Variants in SEC61A2 observed in about 807,000 individuals in gnomAD.
The protein encoded by SEC61A2 is protein transport protein Sec61 subunit alpha isoform 2.
Under a neutral mutation model 59.9 loss-of-function variants are expected in SEC61A2, and 28 were observed. The ratio of observed to expected loss-of-function variants is 0.47; its 90% CI spans 0.35 to 0.64. The LOEUF (loss-of-function observed/expected upper bound fraction) is 0.64, where lower values mean the gene tolerates loss of function less well. Ranked by LOEUF, SEC61A2 falls within the 30% of genes least tolerant of loss-of-function variation. SEC61A2 has a pLI of 0.01. For synonymous variants in SEC61A2, 202 were observed against 214.4 expected (o/e 0.94, Z 0.50); for missense variants, 340 against 585.9 (o/e 0.58, Z 4.33).
At chr10:12,163,438 T>G (rs1032836335) in intron 11 of SEC61A2, among the ~76,000 whole-genome samples, 1 of 151,068 alleles carries the variant, frequency 6.6e-6, no homozygotes, top group African/African-American at 2.4e-5. Flanking sequence ...GATTCTCCTG[T>G]CTCAGCCTCC....
At chr10:12,157,134 C>A in intron 8 of SEC61A2, 67 bp downstream of exon 8, 1 of 1,443,694 alleles carries the variant, frequency 6.9e-7, no homozygotes, top group Non-Finnish European at 9.6e-7. Context: ...AAGAGAATGC[C>A]ATCTGACATG....
chr10:12,147,868 GTC>G (rs1328276388), intron 4 of SEC61A2, among the ~76,000 whole-genome samples: 2 of 151,418 alleles, frequency 1.3e-5, no homozygotes, highest in Admixed American at 1.3e-4. Flanking sequence ...GCTTGATTAA[GTC>G]TATTTCTGGA....
chr10:12,164,341 G>A lies in SEC61A2; in HGVS notation c.1318G>A (p.Ala440Thr). The A allele has an allele frequency of 6.2e-7, 1 of 1,614,044 alleles. No homozygotes were observed. The highest frequency in any genetic ancestry group is 1.1e-5 in the South Asian group (1 of 91,072). Residue 440 changes from alanine to threonine, a missense_variant, in exon 12 of 12, where the codon GCC becomes ACC. Physicochemically the swap from Ala to Thr is moderately conservative, Grantham distance 58 (BLOSUM62 0). This residue lies in a region of SEC61A2 where 283 missense variants were observed against 483.2 expected (regional missense o/e 0.59). Transcript: ENST00000298428. This position sits in a 1 kb window ranked among gnomAD's most constrained non-coding sequence, Gnocchi z 7.3. ...GTCAGTGCTGGCTGACTTCCTGGGG[G>A]CCATTGGATCTGGCACTGGAATTCT... Reference protein sequence around the residue: ...ALSVLADFLGAIGSGTGILLA... With the variant: ...ALSVLADFLGTIGSGTGILLA...
chr10:12,139,796 A>G (rs1331986288), intron 3 of SEC61A2, among the ~76,000 whole-genome samples: 2 of 150,848 alleles, frequency 1.3e-5, no homozygotes, highest in Non-Finnish European at 3.0e-5. Context: ...AAAATAATAA[A>G]TAAAAATAAA....
In SEC61A2 at chr10:12,156,019, C is replaced by T. The variant is rs1158939184; in HGVS notation, c.616+88C>T. The T allele has an allele frequency of 3.5e-6, 5 of 1,440,300 alleles. No homozygotes were observed. The highest frequency in any genetic ancestry group is 2.4e-5 in the South Asian group (2 of 83,192). The allele number at this position is 1,440,300 out of a possible 1,614,324, so 89.2% of individuals were successfully genotyped here. ...TCGTGTCGCAGTACATGCCTAGAGC[C>T]GTTCTGGTTTGCTCTCCTAGGGGAT... On this transcript the variant is annotated intron_variant, in intron 7 of 11. Coordinates refer to ENST00000298428, the MANE Select transcript of SEC61A2 (RefSeq NM_018144.4). The surrounding 1 kb of genome is among the most constrained non-coding windows in gnomAD (Gnocchi z 5.2).
intron 3 of SEC61A2, among the ~76,000 whole-genome samples, chr10:12,138,737 G>T (rs1833943536): frequency 6.6e-6 from 1 of 152,210 alleles, no homozygotes; most frequent in Non-Finnish European, 1.5e-5. Flanking sequence ...TGATGTTGAA[G>T]TTATCACAGT....
chr10:12,168,041 T>G, downstream of SEC61A2: 1 of 739,966 alleles, frequency 1.4e-6, no homozygotes, highest in Non-Finnish European at 1.9e-6. This position sits in a 1 kb window ranked among gnomAD's most constrained non-coding sequence, Gnocchi z 4.8. Flanking sequence ...TTTTTTTTTT[T>G]GGTGAGACAG....
At chr10:12,137,651 T>A (rs1833918949) in intron 3 of SEC61A2, among the ~76,000 whole-genome samples, 1 of 152,074 alleles carries the variant, frequency 6.6e-6, no homozygotes, top group African/African-American at 2.4e-5. Flanking sequence ...AAGTTCACAG[T>A]GTGAGTATAA....
intron 1 of SEC61A2, among the ~76,000 whole-genome samples, chr10:12,130,549 G>T (rs10906082): frequency 0.068 from 10,291 of 152,122 alleles, 790 homozygotes; most frequent in African/African-American, 0.18. Flanking sequence ...ATAGACAGGG[G>T]GCAGCCAAAA....
At position 12,152,918 on chromosome 10, in the gene SEC61A2, G is replaced by A. The variant is rs1361495311; in HGVS notation, c.463-2860G>A. 6.6e-6 allele frequency among the ~76,000 whole-genome samples: 1 copy of A among 151,638 alleles called. No homozygotes were observed. Among genetic ancestry groups the A allele is most frequent in the African/African-American group, 2.4e-5 (1 of 41,250 alleles). On this transcript the variant is annotated intron_variant, in intron 6 of 11. Transcript: ENST00000298428. This position sits in a 1 kb window ranked among gnomAD's most constrained non-coding sequence, Gnocchi z 5.5. ...AAATAAAACGACAAAAATTAGCCAG[G>A]CGTGGCGGTGTGTGCCTGTAATCCC... is the stretch of plus-strand genomic sequence containing the variant.
At position 12,155,366 on chromosome 10, in the gene SEC61A2, T is replaced by C; in HGVS notation, c.463-412T>C. The stretch of plus-strand genomic sequence containing the variant: ...ATGGCAGTGTACATTTCCATCTTGC[T>C]ATTATACCAGAATTCATCTGACTTT... On this transcript the variant is annotated intron_variant, in intron 6 of 11. Transcript: ENST00000298428. The surrounding 1 kb of genome is among the most constrained non-coding windows in gnomAD (Gnocchi z 4.3). 6.4e-7 allele frequency: 1 copy of C among 1,572,442 alleles called. No individual in the cohort carries two copies. The highest frequency in any genetic ancestry group is 2.3e-5 in the East Asian group (1 of 44,142).
intron 2 of SEC61A2, among the ~76,000 whole-genome samples, chr10:12,134,231 T>A (rs1833831338): frequency 6.6e-6 from 1 of 152,176 alleles, no homozygotes; most frequent in Non-Finnish European, 1.5e-5. Flanking sequence ...ATGGTCTCGA[T>A]CTCCTGACCT....
Position 12,149,218 on chromosome 10 carries a change from TA to T in SEC61A2, c.221-376del, listed in dbSNP as rs1834221653. On this transcript the variant is annotated intron_variant, in intron 4 of 11. Transcript: ENST00000298428. The surrounding 1 kb of genome is among the most constrained non-coding windows in gnomAD (Gnocchi z 5.2). Reference sequence around the variant, plus strand: ...GATTCTCCTGCCTCAGACTCCTGAGTAGCTGGGATTACAGGTGCCCGCCACC... The same window carrying T: ...GATTCTCCTGCCTCAGACTCCTGAGTGCTGGGATTACAGGTGCCCGCCACC... Among the ~76,000 whole-genome samples, 1 of 151,958 alleles carries T rather than the reference TA, an allele frequency of 6.6e-6. No individual in the cohort carries two copies. The highest frequency in any genetic ancestry group is 1.5e-5 in the Non-Finnish European group (1 of 67,998).
chr10:12,142,744 T>G lies in SEC61A2; in HGVS notation c.142-373T>G, dbSNP rs1834049102. On this transcript the variant is annotated intron_variant, in intron 3 of 11. Coordinates refer to ENST00000298428, the MANE Select transcript of SEC61A2 (RefSeq NM_018144.4). This position sits in a 1 kb window ranked among gnomAD's most constrained non-coding sequence, Gnocchi z 5.4. ...ACTAGTGAATGCACCAAGTGATGATTTGTTGTTTTTATTTTTATTTTCACT... is the reference window on the plus strand; with the variant it reads ...ACTAGTGAATGCACCAAGTGATGATGTGTTGTTTTTATTTTTATTTTCACT... Among the ~76,000 whole-genome samples, 1 of 152,204 alleles carries G rather than the reference T, an allele frequency of 6.6e-6. No homozygotes were observed. Among genetic ancestry groups the G allele is most frequent in the Non-Finnish European group, 1.5e-5 (1 of 68,030 alleles).
downstream of SEC61A2, chr10:12,167,936 C>T (rs888260908): frequency 1.8e-5 from 26 of 1,427,108 alleles, no homozygotes; most frequent in African/African-American, 3.2e-5. Flanking sequence ...CTGGTGATAA[C>T]GTTTTTTTTG....
chr10:12,168,674 A>C (rs1320864859), downstream of SEC61A2, among the ~76,000 whole-genome samples: 2 of 152,186 alleles, frequency 1.3e-5, no homozygotes, highest in Admixed American at 1.3e-4. The surrounding 1 kb of genome is among the most constrained non-coding windows in gnomAD (Gnocchi z 4.8). Context: ...GGACATTTGC[A>C]GGCAGGAAGC....
intron 8 of SEC61A2, 78 bp downstream of exon 8, chr10:12,157,145 C>A: frequency 5.1e-6 from 7 of 1,382,904 alleles, no homozygotes; most frequent in Middle Eastern, 1.8e-4. Flanking sequence ...ATCTGACATG[C>A]TGTTGTTTAA....
intron 8 of SEC61A2, among the ~76,000 whole-genome samples, chr10:12,157,354 A>G (rs1834422205): frequency 6.6e-6 from 1 of 151,632 alleles, no homozygotes; most frequent in African/African-American, 2.4e-5. Context: ...TTTTTTCCTG[A>G]GACGGAGTTT....
chr10:12,148,191 G>A (rs796937543), intron 4 of SEC61A2, among the ~76,000 whole-genome samples: 87 of 148,796 alleles, frequency 5.8e-4, no homozygotes, highest in African/African-American at 2.1e-3. Flanking sequence ...CTCCCACCTC[G>A]TCCTCCCAAA....
Sources: allele counts gnomAD v4.1 joint callset (sites outside exome capture counted in the v4.1 genomes callset), GRCh38; gene constraint gnomAD v4.1.1; regional missense constraint gnomAD v4.1.1; non-coding constraint Gnocchi (gnomAD v3.1); transcripts MANE v1.5; gene names NCBI Gene and HGNC (gene_info 2026-07-23, HGNC 2026-07-21).